The following RYR2 variants were observed in gnomAD, a reference collection of about 807,000 sequenced individuals.
RYR2 encodes the protein ryanodine receptor 2.
In RYR2, 227 loss-of-function variants were observed where a neutral mutation model predicts 601.1. The ratio of observed to expected loss-of-function variants is 0.38; its 90% confidence interval spans 0.34 to 0.42. The LOEUF is 0.42. Among genes scored for constraint, RYR2 ranks in the 10% least tolerant of loss-of-function variants. RYR2 has a pLI of 1.00. For synonymous variants in RYR2, 2,223 were observed against 2,175.1 expected, an observed-to-expected ratio of 1.02 and a Z score of -0.61; for missense variants, 4,646 against 6,156.5, an observed-to-expected ratio of 0.75 and a Z score of 8.21.
chr1:237,387,183 A>C, intron 8 of RYR2, 98 bp from the exon 9 acceptor site: 1 of 1,047,684 alleles, frequency 9.5e-7, no homozygotes, highest in Non-Finnish European at 1.5e-6. Flanking sequence ...CTATGAACAT[A>C]ACCAAATCAG....
chr1:237,383,417 G>GTTTTTTTTTTTT (rs10567644), intron 8 of RYR2, among the ~76,000 whole-genome samples: 7 of 50,560 alleles, frequency 1.4e-4, no homozygotes, highest in Non-Finnish European at 2.3e-4. Context: ...CTTTTTTCTT[G>GTTTTTTTTTTTT]TTTTTTTTTT....
intron 79 of RYR2, among the ~76,000 whole-genome samples, chr1:237,734,069 A>G (rs1456583973): frequency 1.3e-5 from 2 of 152,216 alleles, no homozygotes; most frequent in Non-Finnish European, 2.9e-5. Flanking sequence ...CTGATGGGGA[A>G]GATAAAGTTT....
intron 1 of RYR2, among the ~76,000 whole-genome samples, chr1:237,054,903 A>G (rs960352863): frequency 6.6e-6 from 1 of 152,078 alleles, no homozygotes; most frequent in Non-Finnish European, 1.5e-5. Flanking sequence ...CCCCATCCCC[A>G]GGGCCACTTT....
chr1:237,669,480 G>A (rs982325485), intron 58 of RYR2, among the ~76,000 whole-genome samples: 2 of 149,080 alleles, frequency 1.3e-5, no homozygotes, highest in African/African-American at 2.4e-5. Flanking sequence ...TCACCTCCCG[G>A]ACGGGGCGGC....
At chr1:237,741,560 A>C (rs1158050046) in intron 79 of RYR2, among the ~76,000 whole-genome samples, 1 of 152,112 alleles carries the variant, frequency 6.6e-6, no homozygotes, top group Non-Finnish European at 1.5e-5. Flanking sequence ...TAATAATAGC[A>C]GCTGAGATGT....
intron 51 of RYR2, among the ~76,000 whole-genome samples, chr1:237,652,086 T>C (rs529442011): frequency 5.5e-4 from 83 of 152,236 alleles, no homozygotes; most frequent in African/African-American, 1.9e-3. Flanking sequence ...TACTCTTAAG[T>C]TGGAAAACAT....
intron 100 of RYR2, among the ~76,000 whole-genome samples, chr1:237,816,701 A>C (rs1007578258): frequency 7.2e-5 from 11 of 152,136 alleles, no homozygotes; most frequent in Admixed American, 1.3e-4. Context: ...AAGAAAAAAA[A>C]AAAAAGGAAA....
chr1:237,652,878 T>C (rs1487445187), intron 51 of RYR2, among the ~76,000 whole-genome samples: 1 of 152,118 alleles, frequency 6.6e-6, no homozygotes, highest in East Asian at 1.9e-4. Flanking sequence ...GATGTATGTA[T>C]GTGTCCATTT....
intron 1 of RYR2, among the ~76,000 whole-genome samples, chr1:237,262,245 G>GTTTTTTTTTTTTTTTTTTTTTT (rs386370106): frequency 3.3e-5 from 2 of 61,100 alleles, no homozygotes; most frequent in African/African-American, 1.2e-4. Flanking sequence ...GTTCTAAAGA[G>GTTTTTTTTTTTTTTTTTTTTTT]TTTTTTTTTT....
At chr1:237,402,535 G>A (rs1327968572) in intron 10 of RYR2, among the ~76,000 whole-genome samples, 1 of 152,098 alleles carries the variant, frequency 6.6e-6, no homozygotes, top group Non-Finnish European at 1.5e-5. Flanking sequence ...TAGAAACAAT[G>A]GATAGATTTA....
In RYR2 at chr1:237,783,943, C is replaced by A. The variant is rs1325431679; in HGVS notation, c.12231C>A (p.Thr4077=). 6.2e-7 allele frequency: 1 copy of A among 1,613,488 alleles called. No individual in the cohort carries two copies. The highest frequency in any genetic ancestry group is 8.5e-7 in the Non-Finnish European group (1 of 1,179,670). ...LSCAETDENE[T]LDYEEFVKRF... ...GTGCGGAGACGGATGAGAATGAAAC[C>A]CTCGACTACGAAGAGTTCGTCAAAC... Residue 4077 remains threonine, a synonymous_variant, in exon 90 of 105, where the codon ACC becomes ACA. Coordinates refer to ENST00000366574, the MANE Select transcript of RYR2 (RefSeq NM_001035.3).
intron 1 of RYR2, among the ~76,000 whole-genome samples, chr1:237,260,071 A>C (rs982709995): frequency 6.6e-6 from 1 of 152,230 alleles, no homozygotes; most frequent in Non-Finnish European, 1.5e-5. Flanking sequence ...CTTGTTCCCC[A>C]GTGATCCAAG....
In RYR2 at chr1:237,219,486, C is replaced by T. The variant is rs552002274; in HGVS notation, c.49-51011C>T. Among the ~76,000 whole-genome samples, 85 of 152,228 alleles carry T rather than the reference C, an allele frequency of 5.6e-4. 1 individual carries two copies. Among genetic ancestry groups the T allele is most frequent in the African/African-American group, 1.9e-3 (80 of 41,540 alleles). The stretch of plus-strand genomic sequence containing the variant: ...TCCAGAACCCTCTTGCCCCCGGAGA[C>T]GTCTACTTAAGTCTTATTAACCAGA... On this transcript the variant is annotated intron_variant, in intron 1 of 104. Coordinates refer to ENST00000366574, the MANE Select transcript of RYR2 (RefSeq NM_001035.3).
chr1:237,801,604 A>G lies in RYR2; in HGVS notation c.14091-252A>G, dbSNP rs1268626672. Among the ~76,000 whole-genome samples the G allele has an allele frequency of 2.6e-5, 4 of 151,876 alleles. No homozygotes were observed. The South Asian group carries it at 8.3e-4, about 32-fold the overall frequency. The stretch of plus-strand genomic sequence containing the variant: ...AGGGAAAGGTGAAAAAGAAAGGACT[A>G]TTTTTAAATAACATAAGACGAAGGT... On this transcript the variant is annotated intron_variant, in intron 97 of 104. Transcript: ENST00000366574.
At chr1:237,715,944 C>T (rs1689231064) in intron 71 of RYR2, among the ~76,000 whole-genome samples, 1 of 151,990 alleles carries the variant, frequency 6.6e-6, no homozygotes, top group African/African-American at 2.4e-5. Context: ...TTTAACAGTA[C>T]AAATTATTCA....
At chr1:237,702,203 A>G in intron 66 of RYR2, 144 bp downstream of exon 66, 2 of 581,966 alleles carry the variant, frequency 3.4e-6, no homozygotes, top group South Asian at 4.3e-5. Flanking sequence ...AAGTAATTAG[A>G]CAATCTTTAA....
At chr1:237,447,046 A>T (rs1210391011) in intron 14 of RYR2, among the ~76,000 whole-genome samples, 1 of 152,178 alleles carries the variant, frequency 6.6e-6, no homozygotes, top group Non-Finnish European at 1.5e-5. Flanking sequence ...GAGCAAATTA[A>T]TCATAAATCT....
intron 1 of RYR2, among the ~76,000 whole-genome samples, chr1:237,116,591 T>C (rs574599313): frequency 1.3e-5 from 2 of 152,312 alleles, no homozygotes; most frequent in South Asian, 2.1e-4. Context: ...TTACTATATT[T>C]ATTTATTATG....
At chr1:237,619,208 A>G (rs977540634) in intron 38 of RYR2, among the ~76,000 whole-genome samples, 1 of 152,222 alleles carries the variant, frequency 6.6e-6, no homozygotes, top group Non-Finnish European at 1.5e-5. Flanking sequence ...ATCAATAAGC[A>G]CCAACACTGA....
Sources: allele counts gnomAD v4.1 joint callset (sites outside exome capture counted in the v4.1 genomes callset), GRCh38; gene constraint gnomAD v4.1.1; transcripts MANE v1.5; gene names NCBI Gene and HGNC (gene_info 2026-07-23, HGNC 2026-07-21).